The following CA6 variants were observed in gnomAD, a reference collection of about 807,000 sequenced individuals.
The protein encoded by CA6 is carbonate dehydratase VI.
CA6 carries 28 observed loss-of-function variants against 35.9 expected under a neutral mutation model. That is an observed-to-expected ratio of 0.78 (90% CI 0.58 to 1.07). The LOEUF is 1.07. Among genes scored for constraint, CA6 ranks in the 50% least tolerant of loss-of-function variants. The pLI is 0.00. For synonymous variants in CA6, 148 were observed against 152.6 expected, an observed-to-expected ratio of 0.97 and a Z score of 0.22; for missense variants, 377 against 382.0, an observed-to-expected ratio of 0.99 and a Z score of 0.11.
chr1:8,957,774 T>A, intron 3 of CA6, among the ~76,000 whole-genome samples: 1 of 140,668 alleles, frequency 7.1e-6, no homozygotes. Flanking sequence ...TGTAGCGAGA[T>A]CTTGTGTCTA....
rs146306191 is a variant in CA6, at chr1:8,950,027, T to G, written c.259+585T>G. ...CAGAGTCTCACTCTGTTGCCCAGGCTGGAGTGCAGTGGCAGGATCTCAGCT... is the reference window on the plus strand; with the variant it reads ...CAGAGTCTCACTCTGTTGCCCAGGCGGGAGTGCAGTGGCAGGATCTCAGCT... On this transcript the variant is annotated intron_variant, in intron 2 of 7. Transcript: ENST00000377443. Among the ~76,000 whole-genome samples, 490 of 152,262 alleles carry G rather than the reference T, an allele frequency of 3.2e-3. 13 individuals carry two copies. The East Asian group carries it at 0.063, about 19-fold the overall frequency.
At chr1:8,950,538 T>C (rs1426431089) in intron 2 of CA6, among the ~76,000 whole-genome samples, 1 of 151,938 alleles carries the variant, frequency 6.6e-6, no homozygotes, top group Non-Finnish European at 1.5e-5. Context: ...CTGCTTGGGT[T>C]GAGATACATC....
chr1:8,946,108 G>C, intron 1 of CA6, 143 bp downstream of exon 1: 5 of 599,368 alleles, frequency 8.3e-6, no homozygotes, highest in Non-Finnish European at 1.5e-5. Flanking sequence ...TGTGATGTTG[G>C]CTCACTGCAA....
chr1:8,972,347 G>A (rs1440266293), intron 7 of CA6, among the ~76,000 whole-genome samples: 9 of 151,978 alleles, frequency 5.9e-5, no homozygotes, highest in South Asian at 2.1e-4. Flanking sequence ...CACCTCGTTC[G>A]GCCTTATCCC....
At chr1:8,951,500 T>C (rs1292332233) in intron 2 of CA6, 2 of 765,068 alleles carry the variant, frequency 2.6e-6, no homozygotes, top group Non-Finnish European at 4.8e-6. Flanking sequence ...CCAAAGGCAG[T>C]GGCTTTGTTC....
chr1:8,957,615 A>G (rs908359671), intron 3 of CA6, among the ~76,000 whole-genome samples: 4 of 150,304 alleles, frequency 2.7e-5, no homozygotes, highest in African/African-American at 7.3e-5. Context: ...TGCTGGGATT[A>G]TAGGCGTGAG....
intron 5 of CA6, among the ~76,000 whole-genome samples, chr1:8,964,300 T>A (rs1639915975): frequency 6.6e-6 from 1 of 152,074 alleles, no homozygotes; most frequent in Admixed American, 6.6e-5. Context: ...CAGGCTGGAG[T>A]GCAGTGGCAT....
At chr1:8,961,318 T>TTCTTTTAATTTCTTTTTAAAAACC (rs1639838696) in intron 4 of CA6, among the ~76,000 whole-genome samples, 1 of 152,250 alleles carries the variant, frequency 6.6e-6, no homozygotes, top group East Asian at 1.9e-4. Context: ...TTGTGTTTTC[T>TTCTTTTAATTTCTTTTTAAAAACC]TCTTTTAATT....
Position 8,949,403 on chromosome 1 carries a change from C to A in CA6, c.220C>A (p.Gln74Lys). Reference protein sequence around the residue: ...KGLNMTGYETQAGEFPMVNNG... With the variant: ...KGLNMTGYETKAGEFPMVNNG... ...GCTCAATATGACAGGCTATGAGACC[C>A]AGGCAGGGGAGTTCCCCATGGTCAA... The change falls in exon 2 of 8, where the codon CAG becomes AAG. Residue 74 changes from glutamine to lysine, a missense_variant. Physicochemically the swap from Gln to Lys is moderately conservative, Grantham distance 53. Transcript: ENST00000377443. 6.2e-7 allele frequency: 1 copy of A among 1,613,316 alleles called. No homozygotes were observed. The highest frequency in any genetic ancestry group is 2.2e-5 in the East Asian group (1 of 44,842).
At position 8,949,368 on chromosome 1, in the gene CA6, C is replaced by T. The variant is rs1639459646; in HGVS notation, c.185C>T (p.Ser62Phe). 1 of 1,613,436 alleles carries T rather than the reference C, an allele frequency of 6.2e-7. No homozygotes were observed. The highest frequency in any genetic ancestry group is 2.2e-5 in the East Asian group (1 of 44,844). Reference protein sequence around the residue: ...LQRTKVRYNPSLKGLNMTGYE... With the variant: ...LQRTKVRYNPFLKGLNMTGYE... Reference sequence around the variant, plus strand: ...AGGACGAAGGTGCGGTACAACCCCTCCTTGAAGGGGCTCAATATGACAGGC... The same window carrying T: ...AGGACGAAGGTGCGGTACAACCCCTTCTTGAAGGGGCTCAATATGACAGGC... The change falls in exon 2 of 8, where the codon TCC (serine) becomes TTC (phenylalanine). Residue 62 changes from serine (S) to phenylalanine (F), a missense_variant. Coordinates refer to ENST00000377443, the MANE Select transcript of CA6 (RefSeq NM_001215.4).
In CA6 at chr1:8,960,789, C is replaced by CACACATAT. The variant is rs59987426; in HGVS notation, c.501+1788_501+1789insCACATATA. Among the ~76,000 whole-genome samples, 224 of 116,902 alleles carry CACACATAT rather than the reference C, an allele frequency of 1.9e-3. 4 individuals are homozygous for CACACATAT. The highest frequency in any genetic ancestry group is 7.3e-3 in the African/African-American group (218 of 29,972). 76.7% of individuals were successfully genotyped at this position (116,902 alleles called of 152,430 possible). On this transcript the variant is annotated intron_variant, in intron 4 of 7. Transcript: ENST00000377443. ...ACACACACACACACACACACACACA[C>CACACATAT]ATATATATAATGGGAGTCCCAGAAG...
intron 6 of CA6, among the ~76,000 whole-genome samples, chr1:8,968,939 A>T (rs1557632203): frequency 6.6e-6 from 1 of 151,752 alleles, no homozygotes; most frequent in Admixed American, 6.6e-5. Flanking sequence ...AATCACTTGA[A>T]CCTGGGACGT....
rs115209907 is a variant in CA6, at chr1:8,956,386, G to A, written c.260-751G>A. Among the ~76,000 whole-genome samples, 1,376 of 151,822 alleles carry A rather than the reference G, an allele frequency of 9.1e-3. 19 individuals carry two copies. Among genetic ancestry groups the A allele is most frequent in the African/African-American group, 0.032 (1,321 of 41,382 alleles). ...CAAAAGGCAGAGATTTCAGCTGGGC[G>A]TGGTGGCTCATGCCTGTAATCCCAA... On this transcript the variant is annotated intron_variant, in intron 2 of 7. Coordinates refer to ENST00000377443, the MANE Select transcript of CA6 (RefSeq NM_001215.4).
At chr1:8,965,368 C>T (rs183241844) in intron 5 of CA6, among the ~76,000 whole-genome samples, 29 of 152,266 alleles carry the variant, frequency 1.9e-4, no homozygotes, top group African/African-American at 6.5e-4. Context: ...TTTTTTTCGT[C>T]TTCCTAAACT....
intron 2 of CA6, among the ~76,000 whole-genome samples, chr1:8,954,350 A>G (rs1194351705): frequency 6.6e-6 from 1 of 152,160 alleles, no homozygotes; most frequent in Non-Finnish European, 1.5e-5. Flanking sequence ...ATTTTAGTAA[A>G]GACGGGGTTT....
At chr1:8,966,369 CA>C (rs1262186142) in intron 5 of CA6, among the ~76,000 whole-genome samples, 1 of 152,172 alleles carries the variant, frequency 6.6e-6, no homozygotes, top group Non-Finnish European at 1.5e-5. Context: ...CTCGGCCTCC[CA>C]AAGTGCTGGG....
Position 8,970,840 on chromosome 1 carries a change from T to G in CA6, c.730-27T>G, listed in dbSNP as rs1336778797. Reference sequence around the variant, plus strand: ...TTAAATTACCCAGTGACTCTTCCCCTCCATAATGCACTCACGTTGCCCCCA... The same window carrying G: ...TTAAATTACCCAGTGACTCTTCCCCGCCATAATGCACTCACGTTGCCCCCA... On this transcript the variant is annotated intron_variant, in intron 6 of 7. Coordinates refer to ENST00000377443, the MANE Select transcript of CA6 (RefSeq NM_001215.4). 2.2e-6 allele frequency: 3 copies of G among 1,358,228 alleles called. No homozygotes were observed. The Admixed American group carries it at 5.0e-5, about 23-fold the overall frequency. The allele number at this position is 1,358,228 out of a possible 1,614,324, so 84.1% of individuals were successfully genotyped here.
intron 1 of CA6, among the ~76,000 whole-genome samples, chr1:8,948,664 A>T (rs1315917765): frequency 1.3e-5 from 2 of 151,928 alleles, no homozygotes; most frequent in Admixed American, 1.3e-4. Flanking sequence ...ACGAGAGCAA[A>T]AATTTACGTA....
Position 8,957,940 on chromosome 1 carries a change from AAAAC to A in CA6, c.408+667_408+670del, listed in dbSNP as rs368033554. On this transcript the variant is annotated intron_variant, in intron 3 of 7. Transcript: ENST00000377443. ...GCCGCTGCACTCCAGTCTGAGCAAC[AAAAC>A]AAACAAACAAAAACAGCCAAAAGAC... 6.2e-4 allele frequency among the ~76,000 whole-genome samples: 94 copies of A among 152,292 alleles called. 3 individuals carry two copies. In the South Asian group the frequency reaches 0.019, roughly 31 times the overall value.
Sources: allele counts gnomAD v4.1 joint callset (sites outside exome capture counted in the v4.1 genomes callset), GRCh38; gene constraint gnomAD v4.1.1; transcripts MANE v1.5; gene names NCBI Gene and HGNC (gene_info 2026-07-23, HGNC 2026-07-21).